Variants in KLC3 observed in about 807,000 individuals in gnomAD.
KLC3 encodes the protein kinesin light chain 3, also known as kinesin light chain 2.
In KLC3, 72 loss-of-function variants were observed where a neutral mutation model predicts 62.9. The ratio of observed to expected loss-of-function variants is 1.15; its 90% CI spans 0.95 to 1.39. The LOEUF (loss-of-function observed/expected upper bound fraction) is 1.39, where lower values mean the gene tolerates loss of function less well. Among genes scored for constraint, KLC3 ranks in the 40% most tolerant of loss-of-function variants. The pLI is 0.00. For missense variants in KLC3, 848 were observed against 691.6 expected, an observed-to-expected ratio of 1.23 and a Z score of -2.54; for synonymous variants, 377 against 300.5, an observed-to-expected ratio of 1.25 and a Z score of -2.63.
At chr19:45,341,578 T>TGTGTGTGTGTGTGTGTGC in intron 1 of KLC3, among the ~76,000 whole-genome samples, 23 of 139,900 alleles carry the variant, frequency 1.6e-4, no homozygotes, top group African/African-American at 6.1e-4. Flanking sequence ...TGTGTGTGTG[T>TGTGTGTGTGTGTGTGTGC]GCGCGCGCGC....
chr19:45,350,234 C>T (rs537420436), intron 8 of KLC3, 107 bp from the exon 9 acceptor site: 3 of 787,728 alleles, frequency 3.8e-6, no homozygotes, highest in South Asian at 1.7e-5. Context: ...CCAGCCTGGG[C>T]AACATACCAA....
In KLC3 at chr19:45,345,559, G is replaced by A. The variant is rs908786007; in HGVS notation, c.18G>A (p.Ala6=). ...GAGCAGCAATGTCTGTGCAGGTAGC[G>A]GCTCCTGGAAGTGCAGGGCTGGGCC... MSVQV[A]APGSAGLGPE... Residue 6 remains alanine (A), a synonymous_variant, in exon 2 of 13, where the codon GCG becomes GCA. Coordinates refer to ENST00000391946, the MANE Select transcript of KLC3 (RefSeq NM_177417.3). 7.7e-6 allele frequency: 12 copies of A among 1,565,720 alleles called. No homozygotes were observed. The highest frequency in any genetic ancestry group is 1.2e-5 in the South Asian group (1 of 84,960).
chr19:45,349,024 C>T lies in KLC3; in HGVS notation c.969+103C>T, dbSNP rs543667488. The stretch of plus-strand genomic sequence containing the variant: ...GTGACCCTGACCCTCGGGCCCCTTG[C>T]GTTTGGTATTGGGAGACCCCAGTTG... On this transcript the variant is annotated intron_variant, in intron 7 of 12. Coordinates refer to ENST00000391946, the MANE Select transcript of KLC3 (RefSeq NM_177417.3). 46 of 1,039,646 alleles carry T rather than the reference C, an allele frequency of 4.4e-5. 1 individual carries two copies. The highest frequency in any genetic ancestry group is 6.6e-5 in the Admixed American group (3 of 45,250). 64.4% of individuals were successfully genotyped at this position (1,039,646 alleles called of 1,614,324 possible).
At chr19:45,347,560 T>G (rs976307328) in intron 4 of KLC3, 44 bp downstream of exon 4, 11 of 1,548,622 alleles carry the variant, frequency 7.1e-6, no homozygotes, top group Middle Eastern at 3.5e-4. Flanking sequence ...CAGGCCAGGG[T>G]GGGGAGGGGG....
chr19:45,351,481 G>A lies in KLC3; in HGVS notation c.*124G>A. On this transcript the variant is annotated 3_prime_UTR_variant, in exon 13 of 13. Coordinates refer to ENST00000391946, the MANE Select transcript of KLC3 (RefSeq NM_177417.3). Reference sequence around the variant, plus strand: ...GCCTCTGGGTACCTGGTGGATAGCTGCCTTCTCCTGCGATTAAAGGCTGTG... The same window carrying A: ...GCCTCTGGGTACCTGGTGGATAGCTACCTTCTCCTGCGATTAAAGGCTGTG... The A allele has an allele frequency of 4.4e-6, 7 of 1,587,354 alleles. No homozygotes were observed. The highest frequency in any genetic ancestry group is 1.7e-4 in the Middle Eastern group (1 of 5,918).
At position 45,348,823 on chromosome 19, in the gene KLC3, G is replaced by T. The variant is rs1353180294; in HGVS notation, c.871G>T (p.Ala291Ser). The change falls in exon 7 of 13, where the codon GCC becomes TCC. Residue 291 changes from alanine (A) to serine (S), a missense_variant. Ala to Ser is a moderately conservative substitution (Grantham distance 99). Coordinates refer to ENST00000391946, the MANE Select transcript of KLC3 (RefSeq NM_177417.3). Reference sequence around the variant, plus strand: ...TGTGCCTCCCCCAACCCCGCAGGTGGCCGCCACGCTCAACAACTTGGCTGT... The same window carrying T: ...TGTGCCTCCCCCAACCCCGCAGGTGTCCGCCACGCTCAACAACTTGGCTGT... The part of the protein sequence containing the change: ...QTLGPEHPAV[A>S]ATLNNLAVLY... 6.4e-7 allele frequency: 1 copy of T among 1,565,554 alleles called. No individual in the cohort carries two copies. The highest frequency in any genetic ancestry group is 1.2e-5 in the South Asian group (1 of 85,128).
chr19:45,344,497 G>C (rs1971450062), intron 1 of KLC3, among the ~76,000 whole-genome samples: 1 of 151,906 alleles, frequency 6.6e-6, no homozygotes, highest in Admixed American at 6.6e-5. Context: ...GGCATTACAG[G>C]CGTGAGCCAC....
intron 1 of KLC3, among the ~76,000 whole-genome samples, chr19:45,341,883 G>A (rs2123172585): frequency 6.6e-6 from 1 of 152,162 alleles, no homozygotes; most frequent in Non-Finnish European, 1.5e-5. Context: ...TGGGAGATGG[G>A]AGTGGAGACG....
chr19:45,350,848 A>T (rs1253504416), intron 11 of KLC3, 101 bp downstream of exon 11: 2 of 1,045,792 alleles, frequency 1.9e-6, no homozygotes, highest in Non-Finnish European at 2.6e-6. Flanking sequence ...CATGGCTCCC[A>T]TCTCCCCTGT....
In KLC3 at chr19:45,349,621, A is replaced by G; in HGVS notation, c.1143+19A>G. 1.3e-6 allele frequency: 2 copies of G among 1,546,574 alleles called. No individual in the cohort carries two copies. Among genetic ancestry groups the G allele is most frequent in the South Asian group, 1.1e-5 (1 of 88,804 alleles). ...CAACCTGGTGAGGCCCCTGGGGCTC[A>G]GAGTGGGCCAAGAGTGGAGGGTCCT... On this transcript the variant is annotated intron_variant, in intron 8 of 12. Transcript: ENST00000391946.
chr19:45,342,537 G>C (rs562233770), intron 1 of KLC3, among the ~76,000 whole-genome samples: 4 of 152,206 alleles, frequency 2.6e-5, no homozygotes, highest in African/African-American at 7.2e-5. Flanking sequence ...AGGGGGGAGC[G>C]GGTGGATCAT....
intron 7 of KLC3, 89 bp downstream of exon 7, chr19:45,349,010 C>G (rs1366575136): frequency 2.6e-6 from 3 of 1,166,040 alleles, no homozygotes; most frequent in Non-Finnish European, 3.7e-6. Context: ...TGACCCTGAC[C>G]CTCGGGCCCC....
rs1191096969 is a variant in KLC3, at chr19:45,348,104, G to A, written c.723G>A (p.Ser241=). The A allele has an allele frequency of 7.5e-6, 12 of 1,602,084 alleles. No homozygotes were observed. Among genetic ancestry groups the A allele is most frequent in the East Asian group, 2.3e-5 (1 of 44,398 alleles). The change falls in exon 5 of 13, where the codon TCG becomes TCA. Residue 241 remains serine (S), a synonymous_variant. Coordinates refer to ENST00000391946, the MANE Select transcript of KLC3 (RefSeq NM_177417.3). ...RQALEDLERS[S]GHCHPDVATM... ...CCTTGGAGGACCTGGAGCGCAGCTCGGGCCACTGCCACCCTGACGTGGCCA... is the reference window on the plus strand; with the variant it reads ...CCTTGGAGGACCTGGAGCGCAGCTCAGGCCACTGCCACCCTGACGTGGCCA...
intron 1 of KLC3, among the ~76,000 whole-genome samples, chr19:45,341,186 T>TTGTG (rs113240301): frequency 0.03 from 3,322 of 111,828 alleles, 79 homozygotes; most frequent in African/African-American, 0.087. Flanking sequence ...CTGCCTGTGT[T>TTGTG]TGTGTGTGTG....
chr19:45,350,800 C>T, intron 11 of KLC3, 53 bp downstream of exon 11: 1 of 1,339,866 alleles, frequency 7.5e-7, no homozygotes, highest in Non-Finnish European at 1.0e-6. Context: ...AATCCACAGC[C>T]CACCCCACCC....
chr19:45,341,621 T>C (rs1269442413), intron 1 of KLC3, among the ~76,000 whole-genome samples: 2 of 145,128 alleles, frequency 1.4e-5, no homozygotes, highest in African/African-American at 2.6e-5. Context: ...GGATCAGTGA[T>C]AGGTGACTAT....
chr19:45,348,661 C>T lies in KLC3; in HGVS notation c.795C>T (p.Tyr265=), dbSNP rs751210843. 3.8e-6 allele frequency: 6 copies of T among 1,586,554 alleles called. No individual in the cohort carries two copies. In the East Asian group the frequency reaches 9.3e-5, roughly 25 times the overall value. ...CCCCCCACAGGGACCAGAACAAGTA[C>T]AAAGAAGCCACAGACCTTCTCCATG... ...LALVYRDQNK[Y]KEATDLLHDA... is the part of the protein sequence containing the mutation. Residue 265 remains tyrosine, a synonymous_variant, in exon 6 of 13, where the codon TAC becomes TAT. Transcript: ENST00000391946.
intron 3 of KLC3, 119 bp downstream of exon 3, chr19:45,346,893 A>ACAGTCCCCCT (rs1971511450): frequency 1.0e-6 from 1 of 956,236 alleles, no homozygotes. Context: ...ACAGTCCCCC[A>ACAGTCCCCCT]GACCCTCCTT....
chr19:45,350,852 C>T, intron 11 of KLC3, 102 bp from the exon 12 acceptor site: 1 of 1,285,366 alleles, frequency 7.8e-7, no homozygotes, highest in Non-Finnish European at 1.1e-6. Flanking sequence ...GCTCCCATCT[C>T]CCCTGTGATA....
Sources: allele counts gnomAD v4.1 joint callset (sites outside exome capture counted in the v4.1 genomes callset), GRCh38; gene constraint gnomAD v4.1.1; transcripts MANE v1.5; gene names NCBI Gene and HGNC (gene_info 2026-07-23, HGNC 2026-07-21).